The following DPPA4 variants were observed in gnomAD, a reference collection of about 807,000 sequenced individuals.
DPPA4 encodes developmental pluripotency-associated protein 4.
A neutral mutation model predicts 33.7 loss-of-function variants in DPPA4; 22 were observed. The observed-to-expected ratio is 0.65, with a 90% CI of 0.47 to 0.93. The LOEUF (loss-of-function observed/expected upper bound fraction) is 0.93. Among genes scored for constraint, DPPA4 ranks in the 40% least tolerant of loss-of-function variants. The pLI is 0.00. For missense variants in DPPA4, 340 were observed against 358.6 expected, an observed-to-expected ratio of 0.95 and a Z score of 0.42; for synonymous variants, 156 against 132.3, an observed-to-expected ratio of 1.18 and a Z score of -1.23.
At chr3:109,332,909 TG>T (rs1708112677) in intron 2 of DPPA4, among the ~76,000 whole-genome samples, 1 of 151,916 alleles carries the variant, frequency 6.6e-6, no homozygotes, top group South Asian at 2.1e-4. Flanking sequence ...ATGGTCAACA[TG>T]GTGAAACGCC....
intron 1 of DPPA4, 102 bp from the exon 2 acceptor site, chr3:109,334,095 T>A (rs989279982): frequency 8.1e-7 from 1 of 1,237,630 alleles, no homozygotes; most frequent in African/African-American, 1.5e-5. Context: ...ACGCAGTTAC[T>A]GGACTCCACT....
rs1392416862 is a variant in DPPA4, at chr3:109,333,970, C to T, written c.78G>A (p.Arg26=). ...GATTAGAAGCCTGCTGATCCTCTTC[C>T]CTCGACTTCTCTGTGGAGGTCCACT... ...GKEWTSTEKS[R]EEDQQASNQP... is the part of the protein sequence containing the mutation. The change falls in exon 2 of 7, where the codon AGG becomes AGA. Residue 26 remains arginine (R), a synonymous_variant. Coordinates refer to ENST00000335658, the MANE Select transcript of DPPA4 (RefSeq NM_018189.4). 9 of 1,614,126 alleles carry T rather than the reference C, an allele frequency of 5.6e-6. No individual in the cohort carries two copies. The highest frequency in any genetic ancestry group is 6.8e-6 in the Non-Finnish European group (8 of 1,180,016).
upstream of DPPA4, chr3:109,337,548 C>T (rs755789926): frequency 6.2e-7 from 1 of 1,612,264 alleles, no homozygotes; most frequent in Non-Finnish European, 8.5e-7. Flanking sequence ...CCCAAGATTG[C>T]TATTTGCAAA....
Position 109,329,021 on chromosome 3 carries a change from C to T in DPPA4, c.747G>A (p.Gln249=). 6.2e-7 allele frequency: 1 copy of T among 1,614,140 alleles called. No individual in the cohort carries two copies. Among genetic ancestry groups the T allele is most frequent in the Non-Finnish European group, 8.5e-7 (1 of 1,180,040 alleles). The change falls in exon 6 of 7, where the codon CAG becomes CAA. Residue 249 remains glutamine (Q), a synonymous_variant. Transcript: ENST00000335658. ...PADTDGWVHL[Q]FHAGQAWVPE... ...GAACCCAGGCTTGACCAGCATGAAA[C>T]TGCAGGTGAACCCAACCATCTGTGT...
intron 2 of DPPA4, 37 bp downstream of exon 2, chr3:109,333,833 C>T (rs1209490342): frequency 7.5e-6 from 12 of 1,607,918 alleles, no homozygotes; most frequent in East Asian, 4.5e-5. Context: ...TTCTAAGACC[C>T]GAGAAGGTGG....
chr3:109,335,349 C>A (rs576432553), intron 1 of DPPA4, among the ~76,000 whole-genome samples: 2 of 152,222 alleles, frequency 1.3e-5, no homozygotes, highest in Admixed American at 1.3e-4. Context: ...TGATCTCAAT[C>A]TTCTAGCCTC....
rs1441954237 is a variant in DPPA4 at position 109,326,220 on chromosome 3, T to C, written c.*1768A>G. On this transcript the variant is annotated 3_prime_UTR_variant, in exon 7 of 7. Transcript: ENST00000335658. ...AAATGTGTTAGAAGCAGGGGAAGTA[T>C]CTACAAGCAGAATCGTAAAGCCAAG... 4 of 151,918 alleles carry C rather than the reference T, an allele frequency of 2.6e-5. No individual in the cohort carries two copies. Among genetic ancestry groups the C allele is most frequent in the Admixed American group, 2.6e-4 (4 of 15,232 alleles). 9.4% of individuals were successfully genotyped at this position (151,918 alleles called of 1,614,324 possible). A position where few individuals can be genotyped will look rare whatever the true frequency, so the allele number is the denominator to read the frequency against.
upstream of DPPA4, among the ~76,000 whole-genome samples, chr3:109,337,749 G>T (rs1241537829): frequency 4.6e-5 from 7 of 152,066 alleles, no homozygotes; most frequent in Non-Finnish European, 2.9e-5. Flanking sequence ...CACTTTAAAT[G>T]TAATTATCCA....
At chr3:109,328,241 C>G (rs931601202) in intron 6 of DPPA4, among the ~76,000 whole-genome samples, 18 of 152,044 alleles carry the variant, frequency 1.2e-4, no homozygotes, top group African/African-American at 3.9e-4. Context: ...GGACAGGAGG[C>G]CTTGGAGGGG....
upstream of DPPA4, among the ~76,000 whole-genome samples, chr3:109,337,767 G>T (rs935738720): frequency 6.6e-6 from 1 of 152,062 alleles, no homozygotes; most frequent in Non-Finnish European, 1.5e-5. Context: ...CCAAAGTATG[G>T]TTCCGGAGAC....
chr3:109,330,669 G>A lies in DPPA4; in HGVS notation c.534C>T (p.Ala178=), dbSNP rs763118338. The A allele has an allele frequency of 1.2e-6, 2 of 1,614,142 alleles. No individual in the cohort carries two copies. Among genetic ancestry groups the A allele is most frequent in the South Asian group, 2.2e-5 (2 of 91,084 alleles). ...VALPPVGEPP[A]LENSTALLEG... is the part of the protein sequence containing the mutation. The stretch of plus-strand genomic sequence containing the variant: ...CAAGGAGAGCAGTGGAATTTTCCAG[G>A]GCAGGCGGCTCCCCCACAGGAGGAA... Residue 178 remains alanine (A), a synonymous_variant, in exon 5 of 7, where the codon GCC becomes GCT. Coordinates refer to ENST00000335658, the MANE Select transcript of DPPA4 (RefSeq NM_018189.4).
At chr3:109,328,723 T>C (rs779304173) in intron 6 of DPPA4, among the ~76,000 whole-genome samples, 167 bp downstream of exon 6, 40 of 152,354 alleles carry the variant, frequency 2.6e-4, no homozygotes, top group African/African-American at 7.5e-4. Context: ...ATAAATGCTT[T>C]CTTTTTCCTG....
intron 4 of DPPA4, among the ~76,000 whole-genome samples, chr3:109,331,324 G>C (rs1298862013): frequency 7.8e-6 from 1 of 128,456 alleles, no homozygotes; most frequent in Non-Finnish European, 1.7e-5. Flanking sequence ...GAAAAAAATA[G>C]AAAAAAAGAA....
At position 109,327,478 on chromosome 3, in the gene DPPA4, CTGGCCAACA is replaced by C. The variant is rs1331453364; in HGVS notation, c.*501_*509del. On this transcript the variant is annotated 3_prime_UTR_variant, in exon 7 of 7. Coordinates refer to ENST00000335658, the MANE Select transcript of DPPA4 (RefSeq NM_018189.4). ...TTGAGTCCAGGAGTTTGAGACCAAC[CTGGCCAACA>C]TGGTGAAACCCCATCTCTACTAAAA... 2 of 152,838 alleles carry C rather than the reference CTGGCCAACA, an allele frequency of 1.3e-5. No homozygotes were observed. Among genetic ancestry groups the C allele is most frequent in the Non-Finnish European group, 2.9e-5 (2 of 68,602 alleles). 9.5% of individuals were successfully genotyped at this position (152,838 alleles called of 1,614,324 possible). A position where few individuals can be genotyped will look rare whatever the true frequency, so the allele number is the denominator to read the frequency against.
chr3:109,335,997 A>T (rs961006812), intron 1 of DPPA4, among the ~76,000 whole-genome samples: 1 of 151,716 alleles, frequency 6.6e-6, no homozygotes, highest in Non-Finnish European at 1.5e-5. Flanking sequence ...TACCAAAAAT[A>T]CAAAAACTAC....
intron 4 of DPPA4, 66 bp downstream of exon 4, chr3:109,331,668 C>G (rs1038343502): frequency 4.1e-6 from 6 of 1,481,282 alleles, no homozygotes; most frequent in Non-Finnish European, 5.6e-6. Context: ...AGTTCCTTTA[C>G]TCACTTTTGA....
At chr3:109,330,849 G>A in intron 4 of DPPA4, 37 bp from the exon 5 acceptor site, 1 of 1,525,156 alleles carries the variant, frequency 6.6e-7, no homozygotes, top group Non-Finnish European at 8.7e-7. Flanking sequence ...TAAAAATACA[G>A]ATTAAAATTC....
intron 2 of DPPA4, among the ~76,000 whole-genome samples, chr3:109,332,870 T>C (rs1038124418): frequency 6.6e-6 from 1 of 151,940 alleles, no homozygotes; most frequent in Non-Finnish European, 1.5e-5. Flanking sequence ...GGTGGGTGGA[T>C]AACCTGAGGT....
In DPPA4 at chr3:109,331,698, G is replaced by C. The variant is rs754948429; in HGVS notation, c.390+36C>G. The C allele has an allele frequency of 4.4e-6, 7 of 1,605,716 alleles. No individual in the cohort carries two copies. In the Admixed American group the frequency reaches 1.2e-4, roughly 27 times the overall value. ...TTTTGAGGCTACAATAGGTAATTAGGATAAGCATTGAAACGTCCATCCTTT... is the reference window on the plus strand; with the variant it reads ...TTTTGAGGCTACAATAGGTAATTAGCATAAGCATTGAAACGTCCATCCTTT... On this transcript the variant is annotated intron_variant, in intron 4 of 6. Transcript: ENST00000335658.
Sources: gnomAD v4.1 joint callset for allele counts (sites outside exome capture counted in the v4.1 genomes callset) on GRCh38, gnomAD v4.1.1 for gene constraint, MANE v1.5 for transcripts, NCBI Gene and HGNC (gene_info 2026-07-23, HGNC 2026-07-21) for gene names.